The following MAGI2 variants were observed in gnomAD, a reference collection of about 807,000 sequenced individuals.
MAGI2 encodes the protein membrane-associated guanylate kinase, WW and PDZ domain-containing protein 2.
Under a neutral mutation model 133.3 loss-of-function variants are expected in MAGI2, and 35 were observed. The ratio of observed to expected loss-of-function variants is 0.26; its 90% CI spans 0.20 to 0.35. The LOEUF (loss-of-function observed/expected upper bound fraction) is 0.35. MAGI2 is among the 10% of genes least tolerant of loss of function. MAGI2 has a pLI of 1.00. For missense variants in MAGI2, 1,636 were observed against 1,863.4 expected (o/e 0.88, Z 2.25); for synonymous variants, 729 against 710.6 (o/e 1.03, Z -0.41).
chr7:78,812,300 A>C (rs1210412379), intron 2 of MAGI2, among the ~76,000 whole-genome samples: 1 of 152,208 alleles, frequency 6.6e-6, no homozygotes, highest in East Asian at 1.9e-4. Context: ...AGGTTGTAAA[A>C]AATTTAAAAA....
At chr7:78,835,254 T>C (rs566001787) in intron 2 of MAGI2, among the ~76,000 whole-genome samples, 37 of 152,204 alleles carry the variant, frequency 2.4e-4, no homozygotes, top group Non-Finnish European at 4.4e-4. Flanking sequence ...ATTGTCTGTC[T>C]TTTTTATTAT....
At chr7:78,542,693 C>T (rs1389970373) in intron 3 of MAGI2, among the ~76,000 whole-genome samples, 3 of 152,132 alleles carry the variant, frequency 2.0e-5, no homozygotes, top group African/African-American at 7.2e-5. Context: ...TGAAACCTAA[C>T]GTGACTGAAG....
chr7:78,254,339 G>GT (rs1400503800), intron 10 of MAGI2: 1 of 152,192 alleles, frequency 6.6e-6, no homozygotes, highest in Non-Finnish European at 1.5e-5. Flanking sequence ...TGCACAGTGA[G>GT]TTTGTGATAC....
At chr7:79,100,723 T>C (rs960613262) in intron 1 of MAGI2, among the ~76,000 whole-genome samples, 1 of 151,852 alleles carries the variant, frequency 6.6e-6, no homozygotes, top group Non-Finnish European at 1.5e-5. Flanking sequence ...ATTTTTCTTT[T>C]GAGCTGTTCA....
At chr7:79,101,923 AC>A (rs2129543277) in intron 1 of MAGI2, among the ~76,000 whole-genome samples, 1 of 151,622 alleles carries the variant, frequency 6.6e-6, no homozygotes, top group Non-Finnish European at 1.5e-5. Flanking sequence ...AAACATATAC[AC>A]CATATATTTT....
chr7:78,580,110 GTA>G (rs67789062), intron 3 of MAGI2, among the ~76,000 whole-genome samples: 15,860 of 152,140 alleles, frequency 0.1, 1,813 homozygotes, highest in East Asian at 0.51. Flanking sequence ...ATGTGTTTAT[GTA>G]TATGTGAATA....
At chr7:78,696,233 T>C (rs1817501603) in intron 2 of MAGI2, among the ~76,000 whole-genome samples, 1 of 152,176 alleles carries the variant, frequency 6.6e-6, no homozygotes, top group South Asian at 2.1e-4. Context: ...CCACTGCACC[T>C]AGCCTCATTT....
chr7:79,174,139 A>G (rs1228965505), intron 1 of MAGI2, among the ~76,000 whole-genome samples: 1 of 152,048 alleles, frequency 6.6e-6, no homozygotes, highest in Non-Finnish European at 1.5e-5. Flanking sequence ...CGTGTTCTAG[A>G]TTGTGATGTA....
At chr7:78,811,199 T>C (rs1431320414) in intron 2 of MAGI2, among the ~76,000 whole-genome samples, 1 of 151,934 alleles carries the variant, frequency 6.6e-6, no homozygotes, top group Non-Finnish European at 1.5e-5. Flanking sequence ...TGAGTAAATT[T>C]TATCTGATTT....
At chr7:78,207,127 A>G (rs971766026) in intron 10 of MAGI2, among the ~76,000 whole-genome samples, 1 of 152,328 alleles carries the variant, frequency 6.6e-6, no homozygotes, top group East Asian at 1.9e-4. Context: ...AAAAAGAGAA[A>G]GTAATAAATG....
intron 7 of MAGI2, chr7:78,358,923 C>T (rs1328571502): frequency 6.5e-6 from 1 of 153,392 alleles, no homozygotes; most frequent in Non-Finnish European, 1.5e-5. Flanking sequence ...GCCTACCCTT[C>T]TGCCATTGCG....
chr7:79,035,924 C>T (rs946641315), intron 1 of MAGI2, among the ~76,000 whole-genome samples: 4 of 152,030 alleles, frequency 2.6e-5, no homozygotes, highest in African/African-American at 9.7e-5. Flanking sequence ...AATGATATTC[C>T]ATGTTGTCAG....
intron 1 of MAGI2, among the ~76,000 whole-genome samples, chr7:79,096,372 G>A (rs1817514091): frequency 6.6e-6 from 1 of 152,152 alleles, no homozygotes; most frequent in African/African-American, 2.4e-5. Context: ...TCTGCTCCCT[G>A]CCATGCCCCT....
intron 2 of MAGI2, among the ~76,000 whole-genome samples, chr7:78,857,228 A>G (rs1367339543): frequency 1.3e-5 from 2 of 152,118 alleles, no homozygotes; most frequent in Non-Finnish European, 2.9e-5. Context: ...TCTTTTCCTA[A>G]TTGAATGCTA....
At chr7:78,449,376 AT>A (rs2151479372) in intron 6 of MAGI2, among the ~76,000 whole-genome samples, 1 of 152,198 alleles carries the variant, frequency 6.6e-6, no homozygotes, top group South Asian at 2.1e-4. Context: ...TTGATCCACA[AT>A]TAAACTTACA....
chr7:78,133,123 A>G (rs1821746187), intron 17 of MAGI2, 63 bp from the exon 18 acceptor site: 1 of 1,379,162 alleles, frequency 7.3e-7, no homozygotes, highest in African/African-American at 1.5e-5. Flanking sequence ...GAAAGAAGTG[A>G]CTAGAGGCAG....
At chr7:78,899,703 A>T (rs1346086070) in intron 2 of MAGI2, among the ~76,000 whole-genome samples, 1 of 152,104 alleles carries the variant, frequency 6.6e-6, no homozygotes, top group Non-Finnish European at 1.5e-5. Context: ...ATCCAAACTT[A>T]ATTAATCCAG....
chr7:78,484,310 A>T (rs1041897631), intron 6 of MAGI2: 1 of 151,962 alleles, frequency 6.6e-6, no homozygotes, highest in African/African-American at 2.4e-5. Flanking sequence ...GTTCATGCAC[A>T]TTTTGGACAC....
At chr7:78,491,498 T>C (rs1793599642) in intron 5 of MAGI2, among the ~76,000 whole-genome samples, 1 of 152,122 alleles carries the variant, frequency 6.6e-6, no homozygotes, top group Non-Finnish European at 1.5e-5. Context: ...GGCTCTTCGA[T>C]GATAAATGCC....
Sources: gnomAD v4.1 joint callset for allele counts (sites outside exome capture counted in the v4.1 genomes callset) on GRCh38, gnomAD v4.1.1 for gene constraint, MANE v1.5 for transcripts, NCBI Gene and HGNC (gene_info 2026-07-23, HGNC 2026-07-21) for gene names.